Variants in DHTKD1 observed in about 807,000 individuals in gnomAD.
DHTKD1 encodes 2-oxoadipate dehydrogenase complex component E1.
In DHTKD1, 78 loss-of-function variants were observed where a neutral mutation model predicts 101.8. The ratio of observed to expected loss-of-function variants is 0.77; its 90% CI spans 0.64 to 0.93. The LOEUF is 0.93. Ranked by LOEUF, DHTKD1 falls within the 40% of genes least tolerant of loss-of-function variation. DHTKD1 has a pLI of 0.00. For missense variants in DHTKD1, 1,223 were observed against 1,161.7 expected (o/e 1.05, Z -0.77); for synonymous variants, 462 against 450.3 (o/e 1.03, Z -0.33).
rs185939760 is a variant in DHTKD1, at chr10:12,108,102, T to G, written c.2154+87T>G. 2.0e-5 allele frequency: 18 copies of G among 910,304 alleles called. 1 individual carries two copies. In the East Asian group the frequency reaches 4.5e-4, roughly 23 times the overall value. The allele number at this position is 910,304 out of a possible 1,614,324, so 56.4% of individuals were successfully genotyped here. A position where few individuals can be genotyped will look rare whatever the true frequency, so the allele number is the denominator to read the frequency against. ...TCCTGCGGATAGCTTAACGCCCACC[T>G]AACTGTAACACAGCTTAGTATTTGA... On this transcript the variant is annotated intron_variant, in intron 12 of 16. Transcript: ENST00000263035.
intron 9 of DHTKD1, 132 bp from the exon 10 acceptor site, chr10:12,100,910 A>C (rs978160948): frequency 1.1e-6 from 1 of 874,574 alleles, no homozygotes; most frequent in African/African-American, 1.7e-5. Flanking sequence ...ATTGGACAGC[A>C]TATATTAATA....
chr10:12,076,926 G>C (rs919860760), intron 1 of DHTKD1, among the ~76,000 whole-genome samples: 2 of 131,544 alleles, frequency 1.5e-5, no homozygotes, highest in Non-Finnish European at 3.1e-5. Context: ...AAAGTGCTAG[G>C]ATTACAGACG....
rs55809304 is a variant in DHTKD1 at position 12,103,491 on chromosome 10, C to CTGTGTGTGTGTGTGTGTG, written c.1896+2330_1896+2347dup. On this transcript the variant is annotated intron_variant, in intron 10 of 16. Transcript: ENST00000263035. This position sits in a 1 kb window ranked among gnomAD's most constrained non-coding sequence, Gnocchi z 4.8. ...CCCCAACTTCGTTGTACATCTCAAT[C>CTGTGTGTGTGTGTGTGTG]TGTGTGTGTGTGTGTGTGTGTGTGT... Among the ~76,000 whole-genome samples, 49 of 144,986 alleles carry CTGTGTGTGTGTGTGTGTG rather than the reference C, an allele frequency of 3.4e-4. No homozygotes were observed. The highest frequency in any genetic ancestry group is 4.4e-4 in the Non-Finnish European group (29 of 66,194).
At position 12,100,499 on chromosome 10, in the gene DHTKD1, G is replaced by A. The variant is rs542453392; in HGVS notation, c.1756+237G>A. On this transcript the variant is annotated intron_variant, in intron 9 of 16. Coordinates refer to ENST00000263035, the MANE Select transcript of DHTKD1 (RefSeq NM_018706.7). Reference sequence around the variant, plus strand: ...AGGCTGGTCTCGAACTCTTGACCTCGTGTTCCACCCGCCTCGGCCTCCCAA... The same window carrying A: ...AGGCTGGTCTCGAACTCTTGACCTCATGTTCCACCCGCCTCGGCCTCCCAA... 6.0e-5 allele frequency among the ~76,000 whole-genome samples: 9 copies of A among 150,994 alleles called. No homozygotes were observed. The South Asian group carries it at 1.5e-3, about 25-fold the overall frequency.
chr10:12,083,818 G>A (rs1445604801), intron 2 of DHTKD1, among the ~76,000 whole-genome samples: 1 of 152,086 alleles, frequency 6.6e-6, no homozygotes, highest in East Asian at 1.9e-4. Context: ...AAGGAAGTGG[G>A]GGCTTTCCCC....
In DHTKD1 at chr10:12,107,876, A is replaced by AG; in HGVS notation, c.2048-32dup. ...TCAGGCCACTTTGTCCCCGCTTCGT[A>AG]GAGCTCTTACTCCCCACGTGGTACT... On this transcript the variant is annotated intron_variant, in intron 11 of 16. Coordinates refer to ENST00000263035, the MANE Select transcript of DHTKD1 (RefSeq NM_018706.7). This position sits in a 1 kb window ranked among gnomAD's most constrained non-coding sequence, Gnocchi z 4.1. 6.9e-7 allele frequency: 1 copy of AG among 1,448,442 alleles called. No individual in the cohort carries two copies. The highest frequency in any genetic ancestry group is 1.7e-4 in the Middle Eastern group (1 of 5,748). 89.7% of individuals were successfully genotyped at this position (1,448,442 alleles called of 1,614,324 possible). A position where few individuals can be genotyped will look rare whatever the true frequency, so the allele number is the denominator to read the frequency against.
At chr10:12,109,514 G>A (rs995050317) in intron 12 of DHTKD1, among the ~76,000 whole-genome samples, 1 of 151,166 alleles carries the variant, frequency 6.6e-6, no homozygotes, top group Non-Finnish European at 1.5e-5. Flanking sequence ...TCGAAGCAGC[G>A]AGCACAGTGG....
Position 12,076,371 on chromosome 10 carries a change from G to T in DHTKD1, c.155-5101G>T, listed in dbSNP as rs190775594. On this transcript the variant is annotated intron_variant, in intron 1 of 16. Coordinates refer to ENST00000263035, the MANE Select transcript of DHTKD1 (RefSeq NM_018706.7). ...CAGGCCTGTAGTCCCAGCTACTTGG[G>T]AGGCTGAGGCAGGAGAATCGCTTGA... Among the ~76,000 whole-genome samples, 379 of 152,290 alleles carry T rather than the reference G, an allele frequency of 2.5e-3. 2 individuals are homozygous for T. The highest frequency in any genetic ancestry group is 8.8e-3 in the African/African-American group (364 of 41,576).
chr10:12,068,982 GGGATCCCCTCGGGCT>G lies in DHTKD1; in HGVS notation c.-51_-37del, dbSNP rs1832605517. 2 of 1,605,244 alleles carry G rather than the reference GGGATCCCCTCGGGCT, an allele frequency of 1.2e-6. No individual in the cohort carries two copies. The highest frequency in any genetic ancestry group is 1.7e-6 in the Non-Finnish European group (2 of 1,176,080). On this transcript the variant is annotated 5_prime_UTR_variant, in exon 1 of 17. Transcript: ENST00000263035. ...GAGTCCCGGATTTACCAGGGCCGGT[GGGATCCCCTCGGGCT>G]CCCGCCTTAGCATGCTGGCCGGGAC...
rs182213895 is a variant in DHTKD1 at position 12,102,372 on chromosome 10, C to T, written c.1896+1191C>T. Among the ~76,000 whole-genome samples the T allele has an allele frequency of 4.2e-3, 598 of 143,726 alleles. 7 individuals carry two copies. Among genetic ancestry groups the T allele is most frequent in the African/African-American group, 0.015 (566 of 38,548 alleles). 94.3% of individuals were successfully genotyped at this position (143,726 alleles called of 152,430 possible). A position where few individuals can be genotyped will look rare whatever the true frequency, so the allele number is the denominator to read the frequency against. ...CCAGGAGGCGGAGGTTGCAGTGAGCCGAGAACACACCACTGCACTCCAGCC... is the reference window on the plus strand; with the variant it reads ...CCAGGAGGCGGAGGTTGCAGTGAGCTGAGAACACACCACTGCACTCCAGCC... On this transcript the variant is annotated intron_variant, in intron 10 of 16. Transcript: ENST00000263035.
At chr10:12,099,845 G>A (rs1376290977) in intron 8 of DHTKD1, among the ~76,000 whole-genome samples, 3 of 139,898 alleles carry the variant, frequency 2.1e-5, no homozygotes, top group Non-Finnish European at 4.5e-5. Flanking sequence ...CGCCCAGGCT[G>A]TAGTGTAGTG....
chr10:12,116,376 G>C (rs1326730842), intron 13 of DHTKD1: 1 of 152,048 alleles, frequency 6.6e-6, no homozygotes, highest in Non-Finnish European at 1.5e-5. Context: ...GCCAAAATGA[G>C]CACAGAAGGC....
chr10:12,100,129 G>T (rs1479209091), intron 8 of DHTKD1, 49 bp from the exon 9 acceptor site: 1 of 1,128,598 alleles, frequency 8.9e-7, no homozygotes, highest in Non-Finnish European at 1.3e-6. Context: ...TGTGAAAAAG[G>T]AAATGGACTC....
chr10:12,083,297 C>T (rs1832851422), intron 2 of DHTKD1, among the ~76,000 whole-genome samples: 1 of 151,704 alleles, frequency 6.6e-6, no homozygotes, highest in East Asian at 1.9e-4. Flanking sequence ...AAAAAAATCA[C>T]AAAGAAAATC....
At chr10:12,088,052 G>T (rs1832931268) in intron 4 of DHTKD1, among the ~76,000 whole-genome samples, 1 of 152,016 alleles carries the variant, frequency 6.6e-6, no homozygotes, top group Non-Finnish European at 1.5e-5. Context: ...GTTTGAGGCT[G>T]CAGTGAGCTA....
chr10:12,119,361 G>A (rs7901421), intron 15 of DHTKD1, among the ~76,000 whole-genome samples: 11,811 of 148,716 alleles, frequency 0.079, 594 homozygotes, highest in Non-Finnish European at 0.12. Flanking sequence ...CACGCCTGTA[G>A]TCCCAGCACT....
At chr10:12,089,320 A>G in intron 5 of DHTKD1, 65 bp downstream of exon 5, 1 of 1,472,178 alleles carries the variant, frequency 6.8e-7, no homozygotes, top group Non-Finnish European at 9.3e-7. Flanking sequence ...GTGGGTTGGG[A>G]GGGCTGAAAG....
intron 1 of DHTKD1, 69 bp downstream of exon 1, chr10:12,069,256 G>A: frequency 7.1e-7 from 1 of 1,407,164 alleles, no homozygotes; most frequent in East Asian, 2.6e-5. Context: ...CCGATTTGCG[G>A]TGGGGTGTCG....
chr10:12,089,143 C>A lies in DHTKD1; in HGVS notation c.875C>A (p.Ala292Asp). 3 of 1,614,182 alleles carry A rather than the reference C, an allele frequency of 1.9e-6. No individual in the cohort carries two copies. Among genetic ancestry groups the A allele is most frequent in the Non-Finnish European group, 2.5e-6 (3 of 1,180,036 alleles). Residue 292 changes from alanine (A) to aspartate (D), a missense_variant, in exon 5 of 17, where the codon GCC becomes GAC. By Grantham distance (126) the Ala-to-Asp change is moderately radical (BLOSUM62 -2). Coordinates refer to ENST00000263035, the MANE Select transcript of DHTKD1 (RefSeq NM_018706.7). ...TMLPNPSHLEAVNPVAVGKTR... is the reference protein window; with the variant it reads ...TMLPNPSHLEDVNPVAVGKTR... Reference sequence around the variant, plus strand: ...TTGCCCAATCCCTCGCACCTGGAGGCCGTCAACCCCGTGGCCGTGGGCAAA... The same window carrying A: ...TTGCCCAATCCCTCGCACCTGGAGGACGTCAACCCCGTGGCCGTGGGCAAA...
Sources: allele counts gnomAD v4.1 joint callset (sites outside exome capture counted in the v4.1 genomes callset), GRCh38; gene constraint gnomAD v4.1.1; non-coding constraint Gnocchi (gnomAD v3.1); transcripts MANE v1.5; gene names NCBI Gene and HGNC (gene_info 2026-07-23, HGNC 2026-07-21).